Variants in CEP162 observed in about 807,000 individuals in gnomAD.
CEP162 encodes the protein centrosomal protein 162.
Under a neutral mutation model 169.2 loss-of-function variants are expected in CEP162, and 141 were observed. The observed-to-expected ratio is 0.83, with a 90% CI of 0.73 to 0.96. The LOEUF (loss-of-function observed/expected upper bound fraction) is 0.96. Among genes scored for constraint, CEP162 ranks in the 40% least tolerant of loss-of-function variants. CEP162 has a pLI of 0.00. For missense variants in CEP162, 1,600 were observed against 1,587.2 expected, an observed-to-expected ratio of 1.01 and a Z score of -0.14; for synonymous variants, 540 against 526.4, an observed-to-expected ratio of 1.03 and a Z score of -0.35.
At chr6:84,166,825 ATGAT>A (rs2099528017) in intron 18 of CEP162, among the ~76,000 whole-genome samples, 1 of 152,214 alleles carries the variant, frequency 6.6e-6, no homozygotes, top group Non-Finnish European at 1.5e-5. Flanking sequence ...TATACTTGAC[ATGAT>A]TATTTTGTTG....
rs536545313 is a variant in CEP162, at chr6:84,206,651, T to C, written c.572-2555A>G. 3.4e-3 allele frequency among the ~76,000 whole-genome samples: 524 copies of C among 152,300 alleles called. 3 individuals carry two copies. Among genetic ancestry groups the C allele is most frequent in the African/African-American group, 0.012 (482 of 41,566 alleles). ...AACCTAGGCAATACCATTCAGGACA[T>C]AGGCATGGGCAAGGACTTCATGTCT... On this transcript the variant is annotated intron_variant, in intron 6 of 26. Transcript: ENST00000403245.
rs143099013 is a variant in CEP162, at chr6:84,195,065, A to G, written c.846T>C (p.Tyr282=). The G allele has an allele frequency of 7.0e-6, 11 of 1,578,452 alleles. No homozygotes were observed. The highest frequency in any genetic ancestry group is 2.7e-5 in the African/African-American group (2 of 73,422). ...ENEMTGTGVS[Y]GQSSSDVEAL... ...CTTCAACGTCACTACTGCTTTGTCC[A>G]TAAGAAACACCTGTTGAAATAAACG... The change falls in exon 10 of 27, where the codon TAT becomes TAC. Residue 282 remains tyrosine (Y), a synonymous_variant. Transcript: ENST00000403245.
chr6:84,201,016 C>A (rs959899714), intron 8 of CEP162, 111 bp from the exon 9 acceptor site: 5 of 529,232 alleles, frequency 9.4e-6, no homozygotes, highest in Admixed American at 2.7e-5. Flanking sequence ...CGGTGGCTCA[C>A]GCCTGTAATC....
At chr6:84,176,112 C>A (rs537159577) in intron 13 of CEP162, among the ~76,000 whole-genome samples, 1 of 152,138 alleles carries the variant, frequency 6.6e-6, no homozygotes, top group Admixed American at 6.5e-5. Context: ...GTTCAATAAA[C>A]AATATCTGAT....
intron 11 of CEP162, among the ~76,000 whole-genome samples, chr6:84,190,506 G>GT (rs1394032630): frequency 6.6e-6 from 1 of 152,128 alleles, no homozygotes; most frequent in African/African-American, 2.4e-5. Context: ...TTTATGAGCT[G>GT]TAACACTCAC....
intron 9 of CEP162, among the ~76,000 whole-genome samples, chr6:84,198,378 AGC>A (rs1457727342): frequency 6.6e-6 from 1 of 152,054 alleles, no homozygotes; most frequent in Admixed American, 6.6e-5. Context: ...CCCAGGTTCA[AGC>A]GATTCTCCTG....
chr6:84,190,256 G>A (rs1455742421), intron 11 of CEP162, among the ~76,000 whole-genome samples: 8 of 151,950 alleles, frequency 5.3e-5, no homozygotes, highest in African/African-American at 1.4e-4. Flanking sequence ...TGATGGGGAC[G>A]TGGAGAACCT....
chr6:84,195,126 G>A, intron 9 of CEP162, 51 bp from the exon 10 acceptor site: 2 of 1,357,040 alleles, frequency 1.5e-6, no homozygotes, highest in Non-Finnish European at 2.0e-6. Flanking sequence ...AAATACATGA[G>A]AACGATAAAA....
chr6:84,160,864 C>A lies in CEP162; in HGVS notation c.2729G>T (p.Arg910Leu), dbSNP rs370857486. The change falls in exon 21 of 27, where the codon CGC becomes CTC. Residue 910 changes from arginine to leucine, a missense_variant. Coordinates refer to ENST00000403245, the MANE Select transcript of CEP162 (RefSeq NM_014895.4). Reference sequence around the variant, plus strand: ...GGCATCTGCTGCTTTATCTTTTAAGCGTATCTTCTGCCGAATAGATGGATT... The same window carrying A: ...GGCATCTGCTGCTTTATCTTTTAAGAGTATCTTCTGCCGAATAGATGGATT... ...SGNPSIRQKI[R>L]LKDKAADAKK... 3 of 1,613,062 alleles carry A rather than the reference C, an allele frequency of 1.9e-6. No homozygotes were observed. The highest frequency in any genetic ancestry group is 3.3e-5 in the Admixed American group (2 of 59,974).
chr6:84,209,698 A>C (rs1235565241), intron 6 of CEP162, among the ~76,000 whole-genome samples: 4 of 152,180 alleles, frequency 2.6e-5, no homozygotes, highest in African/African-American at 9.7e-5. Flanking sequence ...GCTGTACTTA[A>C]TCTAAATCAA....
At chr6:84,171,890 G>A (rs896742271) in intron 16 of CEP162, among the ~76,000 whole-genome samples, 172 bp from the exon 17 acceptor site, 20 of 152,090 alleles carry the variant, frequency 1.3e-4, no homozygotes, top group African/African-American at 4.8e-4. Context: ...AAAATTTGGT[G>A]TCTAAAAACA....
intron 11 of CEP162, among the ~76,000 whole-genome samples, chr6:84,191,599 T>C (rs2099539945): frequency 6.6e-6 from 1 of 152,192 alleles, no homozygotes. Context: ...ACCCTGTCTT[T>C]TTAATTCAAC....
intron 6 of CEP162, among the ~76,000 whole-genome samples, chr6:84,211,036 T>G (rs2099549206): frequency 6.6e-6 from 1 of 151,988 alleles, no homozygotes; most frequent in East Asian, 1.9e-4. Flanking sequence ...AAAAAATTAC[T>G]AGACTTCTAA....
intron 6 of CEP162, among the ~76,000 whole-genome samples, chr6:84,209,536 G>A (rs979874098): frequency 2.0e-5 from 3 of 151,814 alleles, no homozygotes; most frequent in South Asian, 2.1e-4. Context: ...CACCACGCCC[G>A]GCTAATTTTT....
chr6:84,154,442 T>A (rs982122231), intron 22 of CEP162, among the ~76,000 whole-genome samples: 2 of 152,012 alleles, frequency 1.3e-5, no homozygotes, highest in African/African-American at 4.8e-5. Flanking sequence ...AAACCCAACC[T>A]CCTTGATGTG....
chr6:84,164,042 A>T (rs1256724534), intron 18 of CEP162, among the ~76,000 whole-genome samples: 1 of 151,914 alleles, frequency 6.6e-6, no homozygotes, highest in Non-Finnish European at 1.5e-5. Flanking sequence ...TGGGTGAAGG[A>T]TATAGACAGA....
At chr6:84,164,622 C>G (rs2099527071) in intron 18 of CEP162, among the ~76,000 whole-genome samples, 1 of 152,084 alleles carries the variant, frequency 6.6e-6, no homozygotes, top group South Asian at 2.1e-4. Flanking sequence ...TGCATGTTCT[C>G]ACTCATAAGT....
At chr6:84,210,552 T>A (rs774807413) in intron 6 of CEP162, among the ~76,000 whole-genome samples, 13 of 151,992 alleles carry the variant, frequency 8.6e-5, no homozygotes, top group Non-Finnish European at 1.6e-4. Flanking sequence ...TATCACTGAG[T>A]AGAGGAGAGC....
chr6:84,205,295 T>C (rs186242247), intron 6 of CEP162, among the ~76,000 whole-genome samples: 26 of 152,276 alleles, frequency 1.7e-4, no homozygotes, highest in Admixed American at 4.6e-4. Context: ...TTTAGACCAA[T>C]ATCCCTGATG....
Sources: allele counts gnomAD v4.1 joint callset (sites outside exome capture counted in the v4.1 genomes callset), GRCh38; gene constraint gnomAD v4.1.1; transcripts MANE v1.5; gene names NCBI Gene and HGNC (gene_info 2026-07-23, HGNC 2026-07-21).